CACNA2D3: variants seen among roughly 807,000 people sequenced by gnomAD.
CACNA2D3 encodes the protein calcium voltage-gated channel auxiliary subunit alpha2delta 3.
CACNA2D3 carries 60 observed loss-of-function variants against 160.6 expected under a neutral mutation model. The observed-to-expected ratio is 0.37, with a 90% CI of 0.30 to 0.46. CACNA2D3 has a LOEUF of 0.46. Ranked by LOEUF, CACNA2D3 falls within the 20% of genes least tolerant of loss-of-function variation. The probability of loss-of-function intolerance (pLI) is 1.00; values close to 1 mark genes in which losing one functional copy is unlikely to be tolerated. For missense variants in CACNA2D3, 1,205 were observed against 1,365.0 expected, an observed-to-expected ratio of 0.88 and a Z score of 1.85; for synonymous variants, 558 against 492.9, an observed-to-expected ratio of 1.13 and a Z score of -1.75.
At chr3:54,173,106 C>G (rs1304302016) in intron 2 of CACNA2D3, among the ~76,000 whole-genome samples, 1 of 152,128 alleles carries the variant, frequency 6.6e-6, no homozygotes, top group African/African-American at 2.4e-5. Context: ...GAAATGAAGC[C>G]CATTCCTCCA....
At chr3:54,628,155 C>T (rs879321015) in intron 10 of CACNA2D3, among the ~76,000 whole-genome samples, 1 of 152,068 alleles carries the variant, frequency 6.6e-6, no homozygotes, top group Admixed American at 6.5e-5. Context: ...TGGTGTTAAC[C>T]CGGGAGGTGG....
intron 2 of CACNA2D3, among the ~76,000 whole-genome samples, chr3:54,267,123 A>G (rs6445634): frequency 0.94 from 142,722 of 152,200 alleles, 66,946 homozygotes; most frequent in East Asian, 0.99. Context: ...ATTAAAGTTG[A>G]TGTTTAGACA....
chr3:54,428,097 G>A (rs140893403), intron 4 of CACNA2D3, among the ~76,000 whole-genome samples: 8 of 152,290 alleles, frequency 5.3e-5, no homozygotes, highest in African/African-American at 1.4e-4. Context: ...GGGTGAAATA[G>A]CATTGGCCAT....
chr3:54,518,307 AG>A (rs1701587777), intron 5 of CACNA2D3, among the ~76,000 whole-genome samples: 1 of 152,142 alleles, frequency 6.6e-6, no homozygotes, highest in African/African-American at 2.4e-5. Flanking sequence ...GATGGGGAGA[AG>A]CTACCTGTGA....
At chr3:54,344,175 G>A (rs1259366980) in intron 3 of CACNA2D3, among the ~76,000 whole-genome samples, 1 of 152,162 alleles carries the variant, frequency 6.6e-6, no homozygotes, top group Non-Finnish European at 1.5e-5. Context: ...GCACTGCTGA[G>A]TTAGGTTCCC....
intron 2 of CACNA2D3, among the ~76,000 whole-genome samples, chr3:54,128,924 G>A (rs529508829): frequency 2.1e-4 from 32 of 152,256 alleles, no homozygotes; most frequent in Non-Finnish European, 3.8e-4. Context: ...GTTTCATCTC[G>A]AGTGACTGCA....
At chr3:54,736,069 A>T (rs1473868529) in intron 11 of CACNA2D3, among the ~76,000 whole-genome samples, 1 of 26,240 alleles carries the variant, frequency 3.8e-5, no homozygotes, top group Non-Finnish European at 1.2e-4. Flanking sequence ...ATGTATATAT[A>T]TATACATATA....
intron 2 of CACNA2D3, among the ~76,000 whole-genome samples, chr3:54,311,173 C>G (rs1475593022): frequency 5.3e-5 from 8 of 152,152 alleles, no homozygotes; most frequent in Admixed American, 4.6e-4. Flanking sequence ...GGTCAGCTAT[C>G]TTCACTAGGA....
intron 27 of CACNA2D3, among the ~76,000 whole-genome samples, chr3:54,913,293 G>T (rs2106912870): frequency 6.6e-6 from 1 of 152,264 alleles, no homozygotes; most frequent in African/African-American, 2.4e-5. Context: ...ATGTTGCCAA[G>T]GCTGCACTTC....
At chr3:54,757,224 A>C (rs897085604) in intron 12 of CACNA2D3, among the ~76,000 whole-genome samples, 17 of 152,124 alleles carry the variant, frequency 1.1e-4, no homozygotes, top group Non-Finnish European at 2.4e-4. Flanking sequence ...CAAATAAAGA[A>C]GGGCCTCCAT....
In CACNA2D3 at chr3:54,627,994, A is replaced by T. The variant is rs1182917518; in HGVS notation, c.1053+118A>T. On this transcript the variant is annotated intron_variant, in intron 10 of 37. Transcript: ENST00000474759. The stretch of plus-strand genomic sequence containing the variant: ...AGACCTTTAATCCCAGCCCTTTGGG[A>T]GGCCGAGATGGGCGGATCATGAGGT... 3 of 704,320 alleles carry T rather than the reference A, an allele frequency of 4.3e-6. No homozygotes were observed. The African/African-American group carries it at 5.3e-5, about 12-fold the overall frequency. The allele number at this position is 704,320 out of a possible 1,614,324, so 43.6% of individuals were successfully genotyped here. A position where few individuals can be genotyped will look rare whatever the true frequency, so the allele number is the denominator to read the frequency against.
At position 54,846,543 on chromosome 3, in the gene CACNA2D3, A is replaced by C. The variant is rs1698936583; in HGVS notation, c.1626+76A>C. The C allele has an allele frequency of 3.3e-6, 3 of 909,030 alleles. No homozygotes were observed. The African/African-American group carries it at 5.0e-5, about 15-fold the overall frequency. 56.3% of individuals were successfully genotyped at this position (909,030 alleles called of 1,614,324 possible). On this transcript the variant is annotated intron_variant, in intron 17 of 37. Transcript: ENST00000474759. Reference sequence around the variant, plus strand: ...TTTCCTTCAATTCAACAGTGATGACACTTTGCTGCAGTTTTCACTTTTAAA... The same window carrying C: ...TTTCCTTCAATTCAACAGTGATGACCCTTTGCTGCAGTTTTCACTTTTAAA...
At chr3:54,979,698 T>C (rs1423124026) in intron 29 of CACNA2D3, among the ~76,000 whole-genome samples, 1 of 152,224 alleles carries the variant, frequency 6.6e-6, no homozygotes, top group Non-Finnish European at 1.5e-5. Flanking sequence ...TGTTCTGTCA[T>C]GAACATTTCA....
intron 4 of CACNA2D3, among the ~76,000 whole-genome samples, chr3:54,418,796 T>C (rs1199081942): frequency 6.6e-6 from 1 of 152,224 alleles, no homozygotes; most frequent in African/African-American, 2.4e-5. Context: ...TTTGGTATAC[T>C]GTTTGGTAGA....
intron 5 of CACNA2D3, among the ~76,000 whole-genome samples, chr3:54,547,300 T>C (rs1702080063): frequency 6.6e-6 from 1 of 152,124 alleles, no homozygotes; most frequent in Non-Finnish European, 1.5e-5. Flanking sequence ...TGTAGATCTT[T>C]GCATGAAATT....
At chr3:54,528,804 C>T (rs1447200052) in intron 5 of CACNA2D3, among the ~76,000 whole-genome samples, 1 of 152,080 alleles carries the variant, frequency 6.6e-6, no homozygotes, top group Non-Finnish European at 1.5e-5. Context: ...ATGGAGCAGC[C>T]CGTAGCTCAG....
intron 5 of CACNA2D3, among the ~76,000 whole-genome samples, chr3:54,540,461 A>G (rs73093835): frequency 0.021 from 3,218 of 152,340 alleles, 46 homozygotes; most frequent in Non-Finnish European, 0.034. Flanking sequence ...TTTCAGAAAT[A>G]AAATAATCAT....
intron 2 of CACNA2D3, among the ~76,000 whole-genome samples, chr3:54,167,084 TC>T (rs2107305379): frequency 6.6e-6 from 1 of 152,322 alleles, no homozygotes; most frequent in South Asian, 2.1e-4. Context: ...AACAAGAATT[TC>T]TATGTACAGA....
chr3:54,215,904 T>G (rs1022847728), intron 2 of CACNA2D3, among the ~76,000 whole-genome samples: 3 of 152,038 alleles, frequency 2.0e-5, no homozygotes, highest in Non-Finnish European at 4.4e-5. Context: ...TCTTGTGACT[T>G]CAAATATCCT....
Sources: gnomAD v4.1 joint callset for allele counts (sites outside exome capture counted in the v4.1 genomes callset) on GRCh38, gnomAD v4.1.1 for gene constraint, MANE v1.5 for transcripts, NCBI Gene and HGNC (gene_info 2026-07-23, HGNC 2026-07-21) for gene names.